The following KALRN variants were observed in gnomAD, a reference collection of about 807,000 sequenced individuals.
The protein encoded by KALRN is kalirin.
Under a neutral mutation model 353.7 loss-of-function variants are expected in KALRN, and 70 were observed. The observed-to-expected ratio is 0.20, with a 90% confidence interval of 0.16 to 0.24. The LOEUF (loss-of-function observed/expected upper bound fraction) is 0.24. KALRN is among the 10% of genes least tolerant of loss of function. The probability of loss-of-function intolerance (pLI) is 1.00; values close to 1 mark genes in which losing one functional copy is unlikely to be tolerated. For synonymous variants in KALRN, 1,391 were observed against 1,434.8 expected (o/e 0.97, Z 0.69); for missense variants, 2,791 against 3,756.7 (o/e 0.74, Z 6.72).
At chr3:124,270,441 G>A (rs1473109160) in intron 5 of KALRN, among the ~76,000 whole-genome samples, 2 of 151,964 alleles carry the variant, frequency 1.3e-5, no homozygotes, top group Non-Finnish European at 2.9e-5. Context: ...CTTGGGGCAG[G>A]CTTATGGTTG....
At chr3:124,666,300 G>T (rs377519009) in intron 45 of KALRN, 149 bp from the exon 46 acceptor site, 16 of 698,688 alleles carry the variant, frequency 2.3e-5, no homozygotes, top group African/African-American at 1.1e-4. Context: ...GAGTGGGTGG[G>T]TCCTAATTCA....
intron 23 of KALRN, among the ~76,000 whole-genome samples, chr3:124,459,595 A>G (rs2059654409): frequency 6.6e-6 from 1 of 152,204 alleles, no homozygotes; most frequent in Non-Finnish European, 1.5e-5. Flanking sequence ...ATTACAGAGC[A>G]TTGGACAGGG....
chr3:124,322,316 C>A (rs1051365095), intron 6 of KALRN, among the ~76,000 whole-genome samples: 1 of 152,200 alleles, frequency 6.6e-6, no homozygotes, highest in Admixed American at 6.5e-5. Context: ...TAGGTCGACT[C>A]CCTCACAGAT....
intron 34 of KALRN, among the ~76,000 whole-genome samples, chr3:124,598,972 G>A (rs564804326): frequency 6.9e-6 from 1 of 144,170 alleles, no homozygotes; most frequent in African/African-American, 2.5e-5. Flanking sequence ...ACCACGCCTG[G>A]CCTCACACAC....
chr3:124,263,758 T>A (rs528049977), intron 3 of KALRN, among the ~76,000 whole-genome samples: 11 of 152,270 alleles, frequency 7.2e-5, no homozygotes, highest in African/African-American at 2.2e-4. Flanking sequence ...AGTTTGGGCT[T>A]AGTGGCAAGA....
chr3:124,166,127 T>A (rs1357870912), intron 1 of KALRN, among the ~76,000 whole-genome samples: 1 of 152,168 alleles, frequency 6.6e-6, no homozygotes, highest in Non-Finnish European at 1.5e-5. Flanking sequence ...TAGAGTAGCC[T>A]GTCCCCCACT....
At chr3:124,176,393 C>A (rs1295470075) in intron 1 of KALRN, among the ~76,000 whole-genome samples, 1 of 152,168 alleles carries the variant, frequency 6.6e-6, no homozygotes, top group Non-Finnish European at 1.5e-5. Flanking sequence ...CTTGTAAAAT[C>A]CTGGATTGGC....
chr3:124,216,178 A>G (rs1256202499), intron 1 of KALRN, among the ~76,000 whole-genome samples: 4 of 152,156 alleles, frequency 2.6e-5, no homozygotes, highest in South Asian at 4.1e-4. Flanking sequence ...ACCTTCTACC[A>G]TCTGCCACAG....
rs993795028 is a variant in KALRN, at chr3:124,442,131, G to A, written c.3313+72G>A. 2.9e-5 allele frequency: 23 copies of A among 800,144 alleles called. 1 individual carries two copies. In the Admixed American group the frequency reaches 3.2e-4, roughly 11 times the overall value. 49.6% of individuals were successfully genotyped at this position (800,144 alleles called of 1,614,324 possible). A position where few individuals can be genotyped will look rare whatever the true frequency, so the allele number is the denominator to read the frequency against. ...CTCCCTGAAATATACCATGTACCCA[G>A]TTTTCACACAATCTCAAATTTCCTG... On this transcript the variant is annotated intron_variant, in intron 19 of 59. Coordinates refer to ENST00000682506, the MANE Select transcript of KALRN (RefSeq NM_001388419.1).
At chr3:124,604,257 G>A (rs1201173559) in intron 34 of KALRN, among the ~76,000 whole-genome samples, 3 of 151,994 alleles carry the variant, frequency 2.0e-5, no homozygotes, top group Non-Finnish European at 4.4e-5. Context: ...CCACTAACTC[G>A]TCATCTAGCA....
In KALRN at chr3:124,563,005, G is replaced by A. The variant is rs1309846713; in HGVS notation, c.5098G>A (p.Glu1700Lys). The A allele has an allele frequency of 7.3e-7, 1 of 1,367,782 alleles. No individual in the cohort carries two copies. Among genetic ancestry groups the A allele is most frequent in the Non-Finnish European group, 9.8e-7 (1 of 1,022,016 alleles). 84.7% of individuals were successfully genotyped at this position (1,367,782 alleles called of 1,614,324 possible). The change falls in exon 34 of 60, where the codon GAG becomes AAG. Residue 1700 changes from glutamate to lysine, a missense_variant. By Grantham distance (56) the Glu-to-Lys change is moderately conservative. This residue lies in a region of KALRN where 239 missense variants were observed against 351.3 expected (regional missense o/e 0.68). Transcript: ENST00000682506. ...VRTTERSPPL[E>K]GLVPSSALCI... ...TACCACCGAACGGAGCCCGCCCTTG[G>A]AGGGTCTGGTCCCCAGCAGCGCCCT...
At position 124,496,304 on chromosome 3, in the gene KALRN, C is replaced by G; in HGVS notation, c.4833-7C>G. ...CCACCCCTGTTTTTTTTCTCTTCTT[C>G]CTGCAGGGATGGAGTGGAGGATATT... On this transcript the variant is annotated splice_polypyrimidine_tract_variant and splice_region_variant and intron_variant, in intron 32 of 59. Transcript: ENST00000682506. 6.5e-7 allele frequency: 1 copy of G among 1,536,632 alleles called. No individual in the cohort carries two copies. The highest frequency in any genetic ancestry group is 8.9e-7 in the Non-Finnish European group (1 of 1,128,130).
chr3:124,119,011 G>A (rs1437207887), intron 1 of KALRN, among the ~76,000 whole-genome samples: 1 of 152,166 alleles, frequency 6.6e-6, no homozygotes, highest in Non-Finnish European at 1.5e-5. Context: ...ACTGTAATGA[G>A]AGCCCAGCTT....
At chr3:124,696,540 A>C (rs1349395494) in intron 54 of KALRN, among the ~76,000 whole-genome samples, 1 of 152,152 alleles carries the variant, frequency 6.6e-6, no homozygotes, top group Non-Finnish European at 1.5e-5. Flanking sequence ...TTACCATCTT[A>C]ACCATTTTTT....
At chr3:124,377,515 C>T (rs1009777776) in intron 10 of KALRN, among the ~76,000 whole-genome samples, 7 of 151,476 alleles carry the variant, frequency 4.6e-5, no homozygotes, top group Admixed American at 2.6e-4. Flanking sequence ...AAAGAATATG[C>T]GTTCAGCTGT....
At chr3:124,319,267 T>G (rs1309553859) in intron 6 of KALRN, among the ~76,000 whole-genome samples, 1 of 151,198 alleles carries the variant, frequency 6.6e-6, no homozygotes, top group Admixed American at 6.6e-5. Flanking sequence ...GGAGTTGGAG[T>G]TCAGCCTCAG....
intron 1 of KALRN, among the ~76,000 whole-genome samples, chr3:124,207,149 AGTTGG>A (rs1263750132): frequency 6.6e-6 from 1 of 152,176 alleles, no homozygotes; most frequent in African/African-American, 2.4e-5. Flanking sequence ...AGAGTTTGCA[AGTTGG>A]GGGAGACATT....
chr3:124,167,208 T>C (rs1230530479), intron 1 of KALRN, among the ~76,000 whole-genome samples: 1 of 152,126 alleles, frequency 6.6e-6, no homozygotes, highest in Non-Finnish European at 1.5e-5. Flanking sequence ...TCCCTGCACT[T>C]TACTGCTGAC....
chr3:124,456,666 C>G lies in KALRN; in HGVS notation c.3792C>G (p.Val1264=). ...CAGCAAGCCTTTCGGATCGGGAGGT[C>G]AAGCTGCGGGACGCCAACCACGAAG... The part of the protein sequence containing the change: ...IIPASLSDRE[V]KLRDANHEVN... The change falls in exon 23 of 60, where the codon GTC becomes GTG. Residue 1264 remains valine (V), a synonymous_variant. Coordinates refer to ENST00000682506, the MANE Select transcript of KALRN (RefSeq NM_001388419.1). 6.2e-7 allele frequency: 1 copy of G among 1,613,490 alleles called. No individual in the cohort carries two copies. The highest frequency in any genetic ancestry group is 8.5e-7 in the Non-Finnish European group (1 of 1,179,632).
Sources: allele counts gnomAD v4.1 joint callset (sites outside exome capture counted in the v4.1 genomes callset), GRCh38; gene constraint gnomAD v4.1.1; regional missense constraint gnomAD v4.1.1; transcripts MANE v1.5; gene names NCBI Gene and HGNC (gene_info 2026-07-23, HGNC 2026-07-21).